Variants in DISC1 observed in about 807,000 individuals in gnomAD.
The protein encoded by DISC1 is disrupted in schizophrenia 1 protein.
Under a neutral mutation model 84.5 loss-of-function variants are expected in DISC1, and 57 were observed. The ratio of observed to expected loss-of-function variants is 0.67; its 90% CI spans 0.55 to 0.84. The LOEUF is 0.84. Among genes scored for constraint, DISC1 ranks in the 40% least tolerant of loss-of-function variants. The pLI, the probability that DISC1 is intolerant of heterozygous loss-of-function variation, is 0.00. For missense variants in DISC1, 1,000 were observed against 1,057.8 expected (o/e 0.95, Z 0.76); for synonymous variants, 411 against 415.2 (o/e 0.99, Z 0.12).
intron 12 of DISC1, among the ~76,000 whole-genome samples, chr1:232,029,695 C>T (rs531065980): frequency 1.2e-4 from 19 of 152,336 alleles, no homozygotes; most frequent in South Asian, 4.1e-4. Context: ...CCACATTGGA[C>T]GTCCACGTCT....
chr1:232,036,791 C>A lies in DISC1; in HGVS notation c.2525C>A (p.Ala842Asp). Residue 842 changes from alanine (A) to aspartate (D), a missense_variant, in exon 13 of 13, where the codon GCT becomes GAT. Ala to Asp is a moderately radical substitution (Grantham distance 126). Around this residue, in one of 3 missense-constraint regions of DISC1, gnomAD observed 397 missense variants for 377.5 expected, o/e 1.05. Coordinates refer to ENST00000439617, the MANE Select transcript of DISC1 (RefSeq NM_018662.3). ...AKEAGEREAA[A>D]SCMTAGVHEA... ...GAGGCGGGAGAAAGAGAAGCTGCAGCTTCCTGCATGACAGCTGGTGTCCAC... is the reference window on the plus strand; with the variant it reads ...GAGGCGGGAGAAAGAGAAGCTGCAGATTCCTGCATGACAGCTGGTGTCCAC... 2 of 1,601,506 alleles carry A rather than the reference C, an allele frequency of 1.2e-6. No homozygotes were observed. Among genetic ancestry groups the A allele is most frequent in the Non-Finnish European group, 1.7e-6 (2 of 1,172,108 alleles).
intron 1 of DISC1, among the ~76,000 whole-genome samples, chr1:231,670,017 T>G (rs1411432226): frequency 6.6e-6 from 1 of 152,158 alleles, no homozygotes; most frequent in Non-Finnish European, 1.5e-5. Context: ...GTGGTACATA[T>G]ATACCATGGA....
At chr1:231,776,722 G>A (rs1218097785) in intron 6 of DISC1, among the ~76,000 whole-genome samples, 2 of 152,148 alleles carry the variant, frequency 1.3e-5, no homozygotes, top group African/African-American at 4.8e-5. Flanking sequence ...TTGAAATAAT[G>A]TAATTCACCA....
chr1:231,756,779 G>A (rs1346204102), intron 4 of DISC1, among the ~76,000 whole-genome samples: 8 of 152,132 alleles, frequency 5.3e-5, no homozygotes, highest in African/African-American at 1.9e-4. Context: ...AGAAAATGAG[G>A]GGGTTAAATT....
At chr1:231,996,441 C>A (rs1455117665) in intron 10 of DISC1, among the ~76,000 whole-genome samples, 1 of 152,118 alleles carries the variant, frequency 6.6e-6, no homozygotes, top group African/African-American at 2.4e-5. Flanking sequence ...AATGGTAATG[C>A]CTAGGTTCTC....
intron 9 of DISC1, among the ~76,000 whole-genome samples, chr1:231,839,675 G>A (rs1217941307): frequency 6.6e-6 from 1 of 152,156 alleles, no homozygotes; most frequent in East Asian, 1.9e-4. Context: ...CCTGAGACAG[G>A]GTAATTTGTA....
At chr1:231,937,258 A>G (rs978823257) in intron 9 of DISC1, among the ~76,000 whole-genome samples, 1 of 152,224 alleles carries the variant, frequency 6.6e-6, no homozygotes, top group Non-Finnish European at 1.5e-5. Flanking sequence ...CAATAATTTT[A>G]TACCTAGCTC....
At chr1:231,837,606 T>G (rs2082716546) in intron 9 of DISC1, among the ~76,000 whole-genome samples, 1 of 152,172 alleles carries the variant, frequency 6.6e-6, no homozygotes, top group East Asian at 1.9e-4. Context: ...TCTGCTTCAC[T>G]CGAAAAACTT....
rs192186158 is a variant in DISC1, at chr1:231,886,587, T to C, written c.1981+68070T>C. 2.0e-5 allele frequency among the ~76,000 whole-genome samples: 3 copies of C among 152,328 alleles called. No individual in the cohort carries two copies. In the East Asian group the frequency reaches 5.8e-4, roughly 29 times the overall value. On this transcript the variant is annotated intron_variant, in intron 9 of 12. Transcript: ENST00000439617. ...CTTATGGAATACAAACAATATGTGC[T>C]TCTTCTTAAGGTTTTGTTACTTTGT...
intron 10 of DISC1, among the ~76,000 whole-genome samples, chr1:231,968,372 G>A (rs1661389956): frequency 6.6e-6 from 1 of 151,940 alleles, no homozygotes; most frequent in African/African-American, 2.4e-5. Flanking sequence ...ACCACAACAT[G>A]GGAGGCGGAG....
At chr1:231,683,985 C>T (rs1259839931) in intron 1 of DISC1, among the ~76,000 whole-genome samples, 2 of 152,108 alleles carry the variant, frequency 1.3e-5, no homozygotes, top group African/African-American at 4.8e-5. Context: ...TCCTTTTTGG[C>T]TTGGGAAGCC....
chr1:231,886,762 C>CTTT (rs2086716235), intron 9 of DISC1, among the ~76,000 whole-genome samples: 1 of 119,000 alleles, frequency 8.4e-6, no homozygotes, highest in Admixed American at 8.7e-5. Context: ...TTTCTTCCTT[C>CTTT]CTTCCTTTCT....
chr1:231,953,164 G>T (rs1334547578), intron 9 of DISC1, among the ~76,000 whole-genome samples: 1 of 152,218 alleles, frequency 6.6e-6, no homozygotes, highest in Non-Finnish European at 1.5e-5. Flanking sequence ...TCTTGCAAAA[G>T]AAAGTGCTCA....
At chr1:231,761,126 C>G (rs2125393706) in intron 4 of DISC1, among the ~76,000 whole-genome samples, 1 of 152,260 alleles carries the variant, frequency 6.6e-6, no homozygotes, top group Non-Finnish European at 1.5e-5. Flanking sequence ...TTTTCCCGTA[C>G]TGGGGTGGTG....
At position 231,694,350 on chromosome 1, in the gene DISC1, A is replaced by G; in HGVS notation, c.592A>G (p.Thr198Ala). ...SPGCGPEVPP[T>A]PPGSHSAFTS... Reference sequence around the variant, plus strand: ...TGGCTGTGGCCCTGAGGTCCCCCCAACCCCTCCTGGCTCTCACAGTGCCTT... The same window carrying G: ...TGGCTGTGGCCCTGAGGTCCCCCCAGCCCCTCCTGGCTCTCACAGTGCCTT... The change falls in exon 2 of 13, where the codon ACC becomes GCC. Residue 198 changes from threonine to alanine, a missense_variant. Physicochemically the swap from Thr to Ala is moderately conservative, Grantham distance 58 (BLOSUM62 0). This residue lies in a region of DISC1 where 292 missense variants were observed against 280.2 expected (regional missense o/e 1.04). Coordinates refer to ENST00000439617, the MANE Select transcript of DISC1 (RefSeq NM_018662.3). 3 of 1,614,172 alleles carry G rather than the reference A, an allele frequency of 1.9e-6. No individual in the cohort carries two copies. Among genetic ancestry groups the G allele is most frequent in the Non-Finnish European group, 2.5e-6 (3 of 1,180,020 alleles).
intron 1 of DISC1, among the ~76,000 whole-genome samples, chr1:231,691,446 G>T (rs1422200001): frequency 6.6e-6 from 1 of 151,266 alleles, no homozygotes; most frequent in Non-Finnish European, 1.5e-5. Context: ...AAAACAGAAA[G>T]AATAAAGAAA....
chr1:231,947,187 C>A (rs527790673), intron 9 of DISC1, among the ~76,000 whole-genome samples: 2 of 152,198 alleles, frequency 1.3e-5, no homozygotes, highest in Non-Finnish European at 2.9e-5. Context: ...GGAAGCATCA[C>A]GCTACTTGAC....
Position 231,720,840 on chromosome 1 carries a change from G to A in DISC1, c.1117+18816G>A, listed in dbSNP as rs117199917. 6.8e-5 allele frequency: 88 copies of A among 1,290,844 alleles called. 2 individuals are homozygous for A. The East Asian group carries it at 4.3e-3, about 63-fold the overall frequency. 80.0% of individuals were successfully genotyped at this position (1,290,844 alleles called of 1,614,324 possible). Reference sequence around the variant, plus strand: ...CAGGTAGGAAACGTGTTGTCGTTTCGTTTACAGGTTTGTTGGAGGAAGTTG... The same window carrying A: ...CAGGTAGGAAACGTGTTGTCGTTTCATTTACAGGTTTGTTGGAGGAAGTTG... On this transcript the variant is annotated intron_variant, in intron 3 of 12. Coordinates refer to ENST00000439617, the MANE Select transcript of DISC1 (RefSeq NM_018662.3).
chr1:232,019,245 G>A (rs562551871), intron 11 of DISC1, among the ~76,000 whole-genome samples: 1 of 152,254 alleles, frequency 6.6e-6, no homozygotes, highest in African/African-American at 2.4e-5. Flanking sequence ...AAAAGAGGGG[G>A]TGTTAGGTGT....
Sources: allele counts gnomAD v4.1 joint callset (sites outside exome capture counted in the v4.1 genomes callset), GRCh38; gene constraint gnomAD v4.1.1; regional missense constraint gnomAD v4.1.1; transcripts MANE v1.5; gene names NCBI Gene and HGNC (gene_info 2026-07-23, HGNC 2026-07-21).